Variants in CPVL observed in about 807,000 individuals in gnomAD.
CPVL encodes the protein probable serine carboxypeptidase CPVL.
CPVL carries 51 observed loss-of-function variants against 63.7 expected under a neutral mutation model. That is an observed-to-expected ratio of 0.80 (90% CI 0.64 to 1.01). CPVL has a LOEUF of 1.01. Among genes scored for constraint, CPVL ranks in the 50% least tolerant of loss-of-function variants. The pLI, the probability that CPVL is intolerant of heterozygous loss-of-function variation, is 0.00. For synonymous variants in CPVL, 195 were observed against 206.0 expected, an observed-to-expected ratio of 0.95 and a Z score of 0.46; for missense variants, 530 against 573.1, an observed-to-expected ratio of 0.92 and a Z score of 0.77.
chr7:29,108,685 T>C (rs1787963099), intron 3 of CPVL, among the ~76,000 whole-genome samples: 1 of 152,242 alleles, frequency 6.6e-6, no homozygotes, highest in Non-Finnish European at 1.5e-5. Flanking sequence ...GCCACTCTAA[T>C]GCTTTCCCTT....
intron 2 of CPVL, among the ~76,000 whole-genome samples, chr7:29,186,158 A>T (rs774286072): frequency 1.3e-5 from 2 of 152,076 alleles, no homozygotes; most frequent in African/African-American, 4.8e-5. Context: ...TAGTCTTCCT[A>T]TACTGTGCCT....
At chr7:29,181,519 A>G (rs1299101252) in intron 4 of CPVL, 1 of 152,258 alleles carries the variant, frequency 6.6e-6, no homozygotes, top group African/African-American at 2.4e-5. Flanking sequence ...ATTTCAATCA[A>G]TGGAGGAATA....
chr7:29,181,911 A>G (rs1215466076), intron 4 of CPVL, among the ~76,000 whole-genome samples: 1 of 152,130 alleles, frequency 6.6e-6, no homozygotes, highest in Non-Finnish European at 1.5e-5. Context: ...AATATGGATG[A>G]TTTCTTTTTT....
rs376318065 is a variant in CPVL, at chr7:29,134,256, G to A, written c.-11+12173C>T. On this transcript the variant is annotated intron_variant, in intron 1 of 12. Transcript: ENST00000265394. ...TCTTTGCAACAACTGCATTCTCTTA[G>A]AGAAAGAACCTACACATAATGACAT... 3.5e-4 allele frequency among the ~76,000 whole-genome samples: 54 copies of A among 152,286 alleles called. No homozygotes were observed. The South Asian group carries it at 9.5e-3, about 27-fold the overall frequency.
intron 5 of CPVL, among the ~76,000 whole-genome samples, chr7:29,180,360 T>A (rs1030274752): frequency 6.6e-6 from 1 of 152,072 alleles, no homozygotes; most frequent in African/African-American, 2.4e-5. Flanking sequence ...ACCCTATCTC[T>A]ACTAAAAATA....
chr7:29,001,370 G>A (rs2128125414), intron 12 of CPVL: 1 of 152,216 alleles, frequency 6.6e-6, no homozygotes, highest in South Asian at 2.1e-4. Flanking sequence ...GCTTGTTGTG[G>A]TTTCTGATTT....
At chr7:29,084,626 T>C (rs751506974) in intron 7 of CPVL, among the ~76,000 whole-genome samples, 10 of 152,164 alleles carry the variant, frequency 6.6e-5, no homozygotes, top group Non-Finnish European at 7.3e-5. Flanking sequence ...TCTCAAATGA[T>C]TGGCTGGTAC....
chr7:29,049,626 C>T (rs142504335), intron 11 of CPVL, among the ~76,000 whole-genome samples: 29 of 152,100 alleles, frequency 1.9e-4, no homozygotes, highest in African/African-American at 3.1e-4. Flanking sequence ...TACTATTCCA[C>T]GACATAGAGA....
At chr7:29,093,013 C>T (rs1436097253) in intron 5 of CPVL, among the ~76,000 whole-genome samples, 1 of 152,140 alleles carries the variant, frequency 6.6e-6, no homozygotes, top group African/African-American at 2.4e-5. Flanking sequence ...TTCATCTTTT[C>T]CATCCCCTGC....
chr7:29,071,720 C>CA, intron 9 of CPVL, 53 bp downstream of exon 9: 21 of 1,140,020 alleles, frequency 1.8e-5, no homozygotes, highest in Non-Finnish European at 2.4e-5. Context: ...CCCGCCCTCC[C>CA]TCCCCAGATG....
chr7:29,067,641 A>G (rs574590759), intron 9 of CPVL, among the ~76,000 whole-genome samples: 2 of 152,328 alleles, frequency 1.3e-5, no homozygotes, highest in Admixed American at 1.3e-4. Context: ...GGTTGAAGAC[A>G]TGGAGGGGGG....
At chr7:29,074,404 C>G (rs1054917806) in intron 7 of CPVL, among the ~76,000 whole-genome samples, 1 of 152,102 alleles carries the variant, frequency 6.6e-6, no homozygotes, top group Non-Finnish European at 1.5e-5. Flanking sequence ...AATAAGTGAA[C>G]ATTTATCAAA....
chr7:29,030,655 T>C lies in CPVL; in HGVS notation c.1242A>G (p.Ala414=). ...DWKGSQEYKK[A]EKKVWKIFKS... is the part of the protein sequence containing the mutation. ...TAAAGATCTTCCAAACTTTTTTTTCTGCCTTCTTGTATTCCTGGGATCCTT... is the reference window on the plus strand; with the variant it reads ...TAAAGATCTTCCAAACTTTTTTTTCCGCCTTCTTGTATTCCTGGGATCCTT... The change falls in exon 12 of 13, where the codon GCA becomes GCG. Residue 414 remains alanine (A), a synonymous_variant. Coordinates refer to ENST00000265394, the MANE Select transcript of CPVL (RefSeq NM_031311.5). 1 of 1,613,986 alleles carries C rather than the reference T, an allele frequency of 6.2e-7. No individual in the cohort carries two copies. Among genetic ancestry groups the C allele is most frequent in the Non-Finnish European group, 8.5e-7 (1 of 1,179,944 alleles).
At chr7:29,081,879 T>C (rs1244977561) in intron 7 of CPVL, among the ~76,000 whole-genome samples, 3 of 152,210 alleles carry the variant, frequency 2.0e-5, no homozygotes, top group Non-Finnish European at 4.4e-5. Flanking sequence ...ACTATTATTA[T>C]TTCCAGACTG....
chr7:29,141,593 A>G (rs73304153), intron 1 of CPVL, among the ~76,000 whole-genome samples: 1,797 of 152,066 alleles, frequency 0.012, 43 homozygotes, highest in Middle Eastern at 0.068. Flanking sequence ...ATGCCTTCAC[A>G]GCTTCAAATG....
At chr7:29,071,999 T>G in intron 8 of CPVL, 95 bp from the exon 9 acceptor site, 1 of 1,506,994 alleles carries the variant, frequency 6.6e-7, no homozygotes, top group Admixed American at 1.8e-5. Context: ...TTTGTAATTG[T>G]TAATATTGTG....
At chr7:29,015,944 G>A (rs554007615) in intron 12 of CPVL, among the ~76,000 whole-genome samples, 1 of 152,156 alleles carries the variant, frequency 6.6e-6, no homozygotes, top group South Asian at 2.1e-4. Context: ...CAAAATTGTG[G>A]ATTAAAAAAG....
chr7:29,148,744 A>T (rs1314897647), upstream of CPVL: 1 of 152,170 alleles, frequency 6.6e-6, no homozygotes, highest in Admixed American at 6.5e-5. Context: ...AAGAAAAAAG[A>T]TAGTCTTCTT....
chr7:29,064,717 A>T (rs1357683524), intron 10 of CPVL, among the ~76,000 whole-genome samples: 2 of 152,030 alleles, frequency 1.3e-5, no homozygotes, highest in African/African-American at 2.4e-5. Flanking sequence ...ACATGTATAC[A>T]TGTGCCATGT....
Sources: gnomAD v4.1 joint callset for allele counts (sites outside exome capture counted in the v4.1 genomes callset) on GRCh38, gnomAD v4.1.1 for gene constraint, MANE v1.5 for transcripts, NCBI Gene and HGNC (gene_info 2026-07-23, HGNC 2026-07-21) for gene names.